CRISPLD1: variants seen among roughly 807,000 people sequenced by gnomAD.
CRISPLD1 encodes the protein cysteine-rich secretory protein LCCL domain-containing 1.
In CRISPLD1, 60 loss-of-function variants were observed where a neutral mutation model predicts 77.5. That is an observed-to-expected ratio of 0.77 (90% CI 0.63 to 0.96). CRISPLD1 has a LOEUF of 0.96. CRISPLD1 is among the 40% of genes least tolerant of loss of function. The pLI is 0.00. For synonymous variants in CRISPLD1, 195 were observed against 200.1 expected (o/e 0.97, Z 0.22); for missense variants, 623 against 615.8 (o/e 1.01, Z -0.12).
At chr8:74,991,115 C>G (rs1812567160) in intron 2 of CRISPLD1, among the ~76,000 whole-genome samples, 1 of 151,998 alleles carries the variant, frequency 6.6e-6, no homozygotes, top group South Asian at 2.1e-4. Context: ...GCCTTAGCCT[C>G]CCAAGTACCT....
rs948192323 is a variant in CRISPLD1, at chr8:75,032,319, T to C, written c.*77T>C. 2.6e-6 allele frequency: 3 copies of C among 1,149,876 alleles called. No homozygotes were observed. The African/African-American group carries it at 4.6e-5, about 18-fold the overall frequency. The allele number at this position is 1,149,876 out of a possible 1,614,324, so 71.2% of individuals were successfully genotyped here. ...TGAATTTTGTATAAAACTGTAACAT[T>C]ACTGTACAGAGTACATCAACTATTT... On this transcript the variant is annotated 3_prime_UTR_variant, in exon 15 of 15. Coordinates refer to ENST00000262207, the MANE Select transcript of CRISPLD1 (RefSeq NM_031461.6).
intron 2 of CRISPLD1, among the ~76,000 whole-genome samples, chr8:74,994,018 TAAG>T (rs1292031575): frequency 2.0e-5 from 3 of 152,198 alleles, no homozygotes; most frequent in Non-Finnish European, 4.4e-5. Context: ...AGCTGAGTGA[TAAG>T]AAGCCATTTG....
At chr8:75,002,341 G>A (rs1812757093) in intron 2 of CRISPLD1, among the ~76,000 whole-genome samples, 1 of 147,860 alleles carries the variant, frequency 6.8e-6, no homozygotes, top group Non-Finnish European at 1.5e-5. Context: ...TAGGAACAGG[G>A]GAAGAAGAGA....
intron 2 of CRISPLD1, among the ~76,000 whole-genome samples, chr8:75,000,604 C>G (rs1353326064): frequency 6.6e-6 from 1 of 152,140 alleles, no homozygotes; most frequent in African/African-American, 2.4e-5. Flanking sequence ...TTAAGACTCA[C>G]TTAGAGCCTA....
chr8:75,024,323 G>T (rs536292367), intron 12 of CRISPLD1, among the ~76,000 whole-genome samples: 1 of 151,656 alleles, frequency 6.6e-6, no homozygotes, highest in Admixed American at 6.6e-5. Flanking sequence ...TACATTTGTT[G>T]TTGTTGTTTT....
chr8:75,027,077 A>G (rs1387582419), intron 13 of CRISPLD1: 1 of 152,134 alleles, frequency 6.6e-6, no homozygotes, highest in East Asian at 1.9e-4. Context: ...TTCAACCCCT[A>G]TAACTTCATT....
intron 13 of CRISPLD1, among the ~76,000 whole-genome samples, chr8:75,028,481 A>G (rs933666631): frequency 1.3e-5 from 2 of 152,156 alleles, no homozygotes; most frequent in Non-Finnish European, 2.9e-5. Flanking sequence ...CAGTTCAAAT[A>G]TTGTCTTTGG....
At chr8:74,998,967 G>A (rs188794055) in intron 2 of CRISPLD1, among the ~76,000 whole-genome samples, 19 of 152,080 alleles carry the variant, frequency 1.2e-4, no homozygotes, top group Non-Finnish European at 2.5e-4. Context: ...TAGATAATAT[G>A]GATCAAGTAC....
chr8:74,999,899 C>A (rs962639539), intron 2 of CRISPLD1, among the ~76,000 whole-genome samples: 15 of 150,402 alleles, frequency 1.0e-4, no homozygotes, highest in African/African-American at 3.7e-4. Context: ...AAATGAATCT[C>A]AAAATTAGTT....
chr8:75,023,233 C>T (rs1419408201), intron 12 of CRISPLD1, among the ~76,000 whole-genome samples: 1 of 152,156 alleles, frequency 6.6e-6, no homozygotes, highest in Non-Finnish European at 1.5e-5. Flanking sequence ...TCAACTTGGA[C>T]TACTGACTTT....
At chr8:74,987,967 G>A (rs1812520565) in intron 2 of CRISPLD1, among the ~76,000 whole-genome samples, 1 of 152,114 alleles carries the variant, frequency 6.6e-6, no homozygotes. Flanking sequence ...ATGTTTATAT[G>A]AGTTTCTTTT....
chr8:75,018,960 A>G (rs1031245007), intron 10 of CRISPLD1, among the ~76,000 whole-genome samples: 34 of 152,224 alleles, frequency 2.2e-4, no homozygotes, highest in African/African-American at 8.2e-4. Context: ...TTCAATAAGT[A>G]ATAAATATTA....
chr8:75,013,053 C>A, intron 4 of CRISPLD1, 31 bp downstream of exon 4: 1 of 1,462,274 alleles, frequency 6.8e-7, no homozygotes, highest in Non-Finnish European at 9.1e-7. Context: ...ACTTAATTCC[C>A]CCAAATTGAG....
chr8:75,002,526 T>C (rs769380140), intron 2 of CRISPLD1, among the ~76,000 whole-genome samples: 2 of 151,348 alleles, frequency 1.3e-5, no homozygotes, highest in Non-Finnish European at 2.9e-5. Context: ...AGGGCCTATA[T>C]GCAGAGTTGT....
intron 13 of CRISPLD1, among the ~76,000 whole-genome samples, chr8:75,028,555 A>G (rs1283748444): frequency 2.0e-5 from 3 of 152,204 alleles, no homozygotes; most frequent in Non-Finnish European, 4.4e-5. Flanking sequence ...GACTAAAGCA[A>G]ATGTTAAAAT....
chr8:75,004,110 C>T (rs1164756052), intron 2 of CRISPLD1, among the ~76,000 whole-genome samples: 2 of 152,184 alleles, frequency 1.3e-5, no homozygotes, highest in Non-Finnish European at 2.9e-5. Flanking sequence ...AACACTACCA[C>T]ACATGCCTCA....
chr8:74,997,717 G>T (rs899633407), intron 2 of CRISPLD1, among the ~76,000 whole-genome samples: 3 of 152,296 alleles, frequency 2.0e-5, no homozygotes, highest in African/African-American at 7.2e-5. Flanking sequence ...AAGAGGAAAG[G>T]ATAGGATAGG....
chr8:75,014,135 A>G, intron 5 of CRISPLD1, 33 bp downstream of exon 5: 2 of 1,343,722 alleles, frequency 1.5e-6, no homozygotes, highest in Admixed American at 1.7e-5. Flanking sequence ...TCAGATGTAC[A>G]TTTTTCTTAA....
intron 2 of CRISPLD1, among the ~76,000 whole-genome samples, chr8:75,005,941 G>C (rs1333596286): frequency 3.3e-5 from 5 of 152,042 alleles, no homozygotes; most frequent in Non-Finnish European, 7.4e-5. Context: ...GTAGATTCAG[G>C]GGGTACAGGT....
Sources: allele counts gnomAD v4.1 joint callset (sites outside exome capture counted in the v4.1 genomes callset), GRCh38; gene constraint gnomAD v4.1.1; transcripts MANE v1.5; gene names NCBI Gene and HGNC (gene_info 2026-07-23, HGNC 2026-07-21).